CCDC83: variants seen among roughly 807,000 people sequenced by gnomAD.
CCDC83 encodes coiled-coil domain-containing protein 83.
CCDC83 carries 54 observed loss-of-function variants against 50.1 expected under a neutral mutation model. The ratio of observed to expected loss-of-function variants is 1.08; its 90% CI spans 0.87 to 1.35. The LOEUF is 1.35. Ranked by LOEUF, CCDC83 falls within the 40% of genes most tolerant of loss-of-function variation. The pLI is 0.00. For synonymous variants in CCDC83, 161 were observed against 153.3 expected, an observed-to-expected ratio of 1.05 and a Z score of -0.37; for missense variants, 518 against 473.9, an observed-to-expected ratio of 1.09 and a Z score of -0.86.
intron 2 of CCDC83, among the ~76,000 whole-genome samples, chr11:85,872,722 T>C (rs897128175): frequency 1.3e-5 from 2 of 152,206 alleles, no homozygotes; most frequent in Non-Finnish European, 1.5e-5. Context: ...AAGAAATGTA[T>C]TTGTGCCAGG....
In CCDC83 at chr11:85,911,357, T is replaced by C; in HGVS notation, c.749T>C (p.Ile250Thr). 2.5e-6 allele frequency: 4 copies of C among 1,611,866 alleles called. No homozygotes were observed. The highest frequency in any genetic ancestry group is 3.4e-6 in the Non-Finnish European group (4 of 1,179,072). Reference sequence around the variant, plus strand: ...CTGGAAGCAGAAAATTTGGTGCTTATTGATCAACTATCCAACTGTAGACTT... The same window carrying C: ...CTGGAAGCAGAAAATTTGGTGCTTACTGATCAACTATCCAACTGTAGACTT... ...HELEAENLVL[I>T]DQLSNCRLVD... Residue 250 changes from isoleucine to threonine, a missense_variant, in exon 8 of 11, where the codon ATT (isoleucine) becomes ACT (threonine). Transcript: ENST00000342404.
At chr11:85,909,459 C>T (rs1440157909) in intron 7 of CCDC83, among the ~76,000 whole-genome samples, 1 of 152,104 alleles carries the variant, frequency 6.6e-6, no homozygotes, top group Admixed American at 6.6e-5. Context: ...GCTCTGTTGT[C>T]TCCCCATGAG....
rs180812336 is a variant in CCDC83, at chr11:85,915,406, T to C, written c.795-13T>C. The C allele has an allele frequency of 2.9e-4, 458 of 1,594,680 alleles. 2 individuals are homozygous for C. Among genetic ancestry groups the C allele is most frequent in the Admixed American group, 2.0e-3 (114 of 57,828 alleles). ...ATTGACTGACAGATTGTTTTTCTCA[T>C]TTGTTCTTTTAGGCGACTATATCTT... On this transcript the variant is annotated splice_polypyrimidine_tract_variant and intron_variant, in intron 8 of 10. Coordinates refer to ENST00000342404, the MANE Select transcript of CCDC83 (RefSeq NM_001286159.2).
intron 3 of CCDC83, among the ~76,000 whole-genome samples, chr11:85,878,348 C>A (rs962004448): frequency 2.6e-5 from 4 of 152,188 alleles, no homozygotes; most frequent in Non-Finnish European, 4.4e-5. Context: ...CCAGTTCTGC[C>A]CCCTCATTAG....
chr11:85,899,129 G>C (rs1439004625), intron 7 of CCDC83, 114 bp downstream of exon 7: 4 of 713,340 alleles, frequency 5.6e-6, no homozygotes, highest in Non-Finnish European at 9.4e-6. Context: ...GACTGACTGA[G>C]ACAAAATAAA....
At chr11:85,905,102 G>C (rs1172398415) in intron 7 of CCDC83, among the ~76,000 whole-genome samples, 1 of 151,798 alleles carries the variant, frequency 6.6e-6, no homozygotes, top group African/African-American at 2.4e-5. Context: ...TTCGAGACCA[G>C]CCTGGCCAAC....
chr11:85,888,879 A>T (rs1349853583), intron 5 of CCDC83, among the ~76,000 whole-genome samples: 1 of 152,126 alleles, frequency 6.6e-6, no homozygotes, highest in African/African-American at 2.4e-5. Flanking sequence ...ATTCTCTACT[A>T]TCTATTCTGA....
At position 85,882,502 on chromosome 11, in the gene CCDC83, T is replaced by A. The variant is rs761861278; in HGVS notation, c.181-11T>A. On this transcript the variant is annotated splice_polypyrimidine_tract_variant and intron_variant, in intron 3 of 10. Transcript: ENST00000342404. ...TGATCAAACGTGAATTACTGTTGAT[T>A]TTCATGACAGAATAGCCGCTTAAAA... The A allele has an allele frequency of 8.7e-6, 14 of 1,612,136 alleles. No homozygotes were observed. The highest frequency in any genetic ancestry group is 1.2e-5 in the Non-Finnish European group (14 of 1,179,152).
At chr11:85,917,170 A>G (rs866214332) in intron 10 of CCDC83, among the ~76,000 whole-genome samples, 256 of 58,834 alleles carry the variant, frequency 4.4e-3, no homozygotes, top group African/African-American at 9.2e-3. Context: ...GAGAGAGAGA[A>G]AGAAAGAAAG....
intron 3 of CCDC83, among the ~76,000 whole-genome samples, chr11:85,876,881 C>CT (rs1035933845): frequency 4.6e-5 from 7 of 151,944 alleles, no homozygotes; most frequent in African/African-American, 7.3e-5. Flanking sequence ...CAAAATCAAT[C>CT]TTTTTTTTGT....
intron 2 of CCDC83, among the ~76,000 whole-genome samples, chr11:85,866,708 C>T (rs2093209450): frequency 6.6e-6 from 1 of 150,984 alleles, no homozygotes; most frequent in African/African-American, 2.4e-5. Context: ...AATAAAGGTA[C>T]TATAAAAGAA....
chr11:85,898,862 T>C, intron 6 of CCDC83, 85 bp from the exon 7 acceptor site: 1 of 907,712 alleles, frequency 1.1e-6, no homozygotes, highest in Non-Finnish European at 1.8e-6. Flanking sequence ...CTAAAATGAA[T>C]GATCAGAATA....
chr11:85,875,327 C>T (rs1482265686), intron 3 of CCDC83, among the ~76,000 whole-genome samples: 7 of 152,232 alleles, frequency 4.6e-5, no homozygotes, highest in African/African-American at 1.2e-4. Context: ...TTACCCAGGA[C>T]TGTTTCCAGC....
At chr11:85,902,183 G>C (rs538377735) in intron 7 of CCDC83, among the ~76,000 whole-genome samples, 1 of 151,948 alleles carries the variant, frequency 6.6e-6, no homozygotes, top group East Asian at 1.9e-4. Flanking sequence ...AGGTGGGGGT[G>C]GGGGTGAAGT....
At chr11:85,867,460 C>T (rs77986024) in intron 2 of CCDC83, among the ~76,000 whole-genome samples, 2,888 of 152,266 alleles carry the variant, frequency 0.019, 43 homozygotes, top group South Asian at 0.03. Context: ...CCAATATATT[C>T]GTATGAACTT....
At chr11:85,914,614 ATAC>A (rs765422638) in intron 8 of CCDC83, among the ~76,000 whole-genome samples, 16 of 152,190 alleles carry the variant, frequency 1.1e-4, no homozygotes, top group Non-Finnish European at 2.1e-4. Context: ...CGCACCTGAA[ATAC>A]TACAACAGCG....
chr11:85,908,551 TTAGATAGA>T (rs58433339), intron 7 of CCDC83, among the ~76,000 whole-genome samples: 18,386 of 137,378 alleles, frequency 0.13, 1,264 homozygotes, highest in South Asian at 0.16. Flanking sequence ...GACTAGATGA[TTAGATAGA>T]TAGATAGATA....
chr11:85,909,960 T>C (rs968481443), intron 7 of CCDC83, among the ~76,000 whole-genome samples: 7 of 152,192 alleles, frequency 4.6e-5, no homozygotes, highest in African/African-American at 1.7e-4. Flanking sequence ...CTCTTTAGCA[T>C]TATTTGGCCC....
chr11:85,888,656 T>C (rs1263175927), intron 5 of CCDC83, among the ~76,000 whole-genome samples: 24 of 152,224 alleles, frequency 1.6e-4, no homozygotes, highest in Admixed American at 1.6e-3. Flanking sequence ...GTTTATGAGA[T>C]TATGAATGAA....
Sources: allele counts gnomAD v4.1 joint callset (sites outside exome capture counted in the v4.1 genomes callset), GRCh38; gene constraint gnomAD v4.1.1; transcripts MANE v1.5; gene names NCBI Gene and HGNC (gene_info 2026-07-23, HGNC 2026-07-21).